PCDHA3: variants seen among roughly 807,000 people sequenced by gnomAD.
The protein encoded by PCDHA3 is protocadherin alpha-3.
Under a neutral mutation model 62.2 loss-of-function variants are expected in PCDHA3, and 41 were observed. The ratio of observed to expected loss-of-function variants is 0.66; its 90% CI spans 0.51 to 0.86. The LOEUF is 0.86. Among genes scored for constraint, PCDHA3 ranks in the 40% least tolerant of loss-of-function variants. PCDHA3 has a pLI of 0.00. For synonymous variants in PCDHA3, 640 were observed against 555.4 expected, an observed-to-expected ratio of 1.15 and a Z score of -2.14; for missense variants, 1,304 against 1,241.2, an observed-to-expected ratio of 1.05 and a Z score of -0.76.
At chr5:140,895,968 G>C (rs190056652) in intron 1 of PCDHA3, among the ~76,000 whole-genome samples, 4 of 151,938 alleles carry the variant, frequency 2.6e-5, no homozygotes, top group African/African-American at 4.8e-5. Flanking sequence ...CTGTCACCAG[G>C]CCTAGCTAAT....
intron 1 of PCDHA3, chr5:140,867,342 T>C (rs1397691528): frequency 6.6e-6 from 1 of 152,154 alleles, no homozygotes; most frequent in Non-Finnish European, 1.5e-5. Flanking sequence ...GATTAGAGGC[T>C]ACTATGATTG....
intron 3 of PCDHA3, among the ~76,000 whole-genome samples, chr5:140,984,358 A>G (rs1443365008): frequency 1.3e-5 from 2 of 152,234 alleles, no homozygotes; most frequent in Admixed American, 1.3e-4. Flanking sequence ...TATTTCATAC[A>G]TCTGGCCAAG....
In PCDHA3 at chr5:140,808,976, G is replaced by A. The variant is rs1554124931; in HGVS notation, c.2394+5385G>A. ...CCACGTGGTGGCAAAGGTGCGCGCG[G>A]TGGATGCTGACTCGGGCTACAACGC... On this transcript the variant is annotated intron_variant, in intron 1 of 3. Coordinates refer to ENST00000522353, the MANE Select transcript of PCDHA3 (RefSeq NM_018906.3). The A allele has an allele frequency of 1.2e-6, 2 of 1,613,688 alleles. No individual in the cohort carries two copies. The highest frequency in any genetic ancestry group is 1.1e-5 in the South Asian group (1 of 91,054).
At chr5:141,005,594 C>T (rs534928198) in intron 3 of PCDHA3, among the ~76,000 whole-genome samples, 10 of 147,680 alleles carry the variant, frequency 6.8e-5, no homozygotes, top group African/African-American at 1.8e-4. Flanking sequence ...CCCAGCTACA[C>T]AGGAGGCTGA....
intron 1 of PCDHA3, chr5:140,830,439 T>C (rs1771065522): frequency 1.9e-6 from 3 of 1,611,042 alleles, no homozygotes; most frequent in East Asian, 4.5e-5. Flanking sequence ...CCTATTATGA[T>C]GGGTAAGGCG....
intron 1 of PCDHA3, among the ~76,000 whole-genome samples, chr5:140,832,018 A>G (rs1771809703): frequency 6.6e-6 from 1 of 152,212 alleles, no homozygotes; most frequent in Admixed American, 6.6e-5. Context: ...TTACGTAAAG[A>G]TTGAATTTTT....
At chr5:140,967,915 T>C in intron 1 of PCDHA3, 1 of 1,614,148 alleles carries the variant, frequency 6.2e-7, no homozygotes, top group Non-Finnish European at 8.5e-7. Context: ...CCAACACCAT[T>C]GTGGCCGTTC....
At chr5:140,917,876 C>CT (rs575141569) in intron 1 of PCDHA3, among the ~76,000 whole-genome samples, 41 of 147,132 alleles carry the variant, frequency 2.8e-4, no homozygotes, top group Admixed American at 1.6e-3. Context: ...TATTTGGGCT[C>CT]TTTTTTTTTT....
chr5:140,902,258 G>A (rs1389556264), intron 1 of PCDHA3, among the ~76,000 whole-genome samples: 2 of 137,592 alleles, frequency 1.5e-5, no homozygotes, highest in African/African-American at 5.6e-5. Context: ...GGCTGGTCTC[G>A]AACTCCTGGG....
intron 1 of PCDHA3, chr5:140,822,342 C>T (rs1767281192): frequency 6.2e-7 from 1 of 1,613,952 alleles, no homozygotes; most frequent in Admixed American, 1.7e-5. Context: ...AAGAAACGAA[C>T]TTTTTAGAGC....
chr5:140,821,833 C>T lies in PCDHA3; in HGVS notation c.2394+18242C>T, dbSNP rs2150110979. On this transcript the variant is annotated intron_variant, in intron 1 of 3. Coordinates refer to ENST00000522353, the MANE Select transcript of PCDHA3 (RefSeq NM_018906.3). ...CCGGCTCCTGCTGCTCTGGCTTCTC[C>T]TTGCCTACTGGAAGGCAGGGAGCGG... 13,895 of 1,614,122 alleles carry T rather than the reference C, an allele frequency of 8.6e-3. 1,022 individuals are homozygous for T. In the African/African-American group the frequency reaches 0.16, roughly 19 times the overall value.
chr5:140,926,538 G>A (rs155362), intron 1 of PCDHA3: 1 of 210,368 alleles, frequency 4.8e-6, no homozygotes, highest in Admixed American at 5.9e-5. Flanking sequence ...CAGCCAGCGT[G>A]GTGGTCGAGA....
chr5:140,965,496 A>ATT lies in PCDHA3; in HGVS notation c.2395-13439_2395-13438dup, dbSNP rs71766133. On this transcript the variant is annotated intron_variant, in intron 1 of 3. Coordinates refer to ENST00000522353, the MANE Select transcript of PCDHA3 (RefSeq NM_018906.3). Reference sequence around the variant, plus strand: ...CCCACATTTTGCTTAATGACAGCAGATTTTTTTTTTTTTTTAACTGCAAAG... The same window carrying ATT: ...CCCACATTTTGCTTAATGACAGCAGATTTTTTTTTTTTTTTTTAACTGCAAAG... Among the ~76,000 whole-genome samples the ATT allele has an allele frequency of 3.3e-3, 482 of 146,482 alleles. 3 individuals are homozygous for ATT. The highest frequency in any genetic ancestry group is 0.011 in the African/African-American group (455 of 40,032).
rs1045998593 is a variant in PCDHA3, at chr5:140,838,449, A to G, written c.2394+34858A>G. On this transcript the variant is annotated intron_variant, in intron 1 of 3. Coordinates refer to ENST00000522353, the MANE Select transcript of PCDHA3 (RefSeq NM_018906.3). ...TAAATTATATATTGGGTTTTGTGGC[A>G]TATTATTTCATTAGCGCTTATTCCT... 3.3e-5 allele frequency among the ~76,000 whole-genome samples: 5 copies of G among 151,718 alleles called. No individual in the cohort carries two copies. The East Asian group carries it at 9.7e-4, about 29-fold the overall frequency.
At chr5:140,977,256 C>T (rs1304967733) in intron 1 of PCDHA3, among the ~76,000 whole-genome samples, 1 of 152,164 alleles carries the variant, frequency 6.6e-6, no homozygotes, top group Non-Finnish European at 1.5e-5. Flanking sequence ...CATTTCTCAG[C>T]AGATGTTACA....
Position 140,857,572 on chromosome 5 carries a change from G to T in PCDHA3, c.2394+53981G>T, listed in dbSNP as rs144978636. On this transcript the variant is annotated intron_variant, in intron 1 of 3. Coordinates refer to ENST00000522353, the MANE Select transcript of PCDHA3 (RefSeq NM_018906.3). Reference sequence around the variant, plus strand: ...AGCGCTCGCTGTCGAGCTACGTGTCGGTGCACGCGGAGAGCGGCAAGGTGT... The same window carrying T: ...AGCGCTCGCTGTCGAGCTACGTGTCTGTGCACGCGGAGAGCGGCAAGGTGT... 1.0e-5 allele frequency: 16 copies of T among 1,596,716 alleles called. 2 individuals carry two copies. The highest frequency in any genetic ancestry group is 1.4e-5 in the Non-Finnish European group (16 of 1,167,664).
chr5:140,849,539 A>G lies in PCDHA3; in HGVS notation c.2394+45948A>G, dbSNP rs2150439995. ...TTGTGGATGTAAATGACAATGCTCC[A>G]CAGTTGACTATCAAAACGCTCTCGG... On this transcript the variant is annotated intron_variant, in intron 1 of 3. Coordinates refer to ENST00000522353, the MANE Select transcript of PCDHA3 (RefSeq NM_018906.3). 1.9e-6 allele frequency: 3 copies of G among 1,598,028 alleles called. 1 individual carries two copies. The highest frequency in any genetic ancestry group is 1.7e-6 in the Non-Finnish European group (2 of 1,167,768).
chr5:140,805,305 C>T, intron 1 of PCDHA3: 1 of 1,273,368 alleles, frequency 7.9e-7, no homozygotes. Flanking sequence ...GGAATTCTTC[C>T]TCCTTTTTTC....
At chr5:140,968,473 G>A in intron 1 of PCDHA3, 1 of 1,614,098 alleles carries the variant, frequency 6.2e-7, no homozygotes. Flanking sequence ...ACGTATATGT[G>A]GTGGACATGA....
Sources: allele counts gnomAD v4.1 joint callset (sites outside exome capture counted in the v4.1 genomes callset), GRCh38; gene constraint gnomAD v4.1.1; transcripts MANE v1.5; gene names NCBI Gene and HGNC (gene_info 2026-07-23, HGNC 2026-07-21).